The following ACSF3 variants were observed in gnomAD, a reference collection of about 807,000 sequenced individuals.
ACSF3 encodes the protein malonate--CoA ligase ACSF3, mitochondrial.
A neutral mutation model predicts 53.2 loss-of-function variants in ACSF3; 78 were observed. The ratio of observed to expected loss-of-function variants is 1.47; its 90% CI spans 1.22 to 1.77. ACSF3 has a LOEUF of 1.77. Among genes scored for constraint, ACSF3 ranks in the 40% most tolerant of loss-of-function variants. The pLI is 0.00. For synonymous variants in ACSF3, 414 were observed against 333.1 expected, an observed-to-expected ratio of 1.24 and a Z score of -2.65; for missense variants, 937 against 771.1, an observed-to-expected ratio of 1.22 and a Z score of -2.55.
intron 8 of ACSF3, among the ~76,000 whole-genome samples, chr16:89,143,043 G>T (rs1454510124): frequency 6.6e-6 from 1 of 152,222 alleles, no homozygotes; most frequent in Non-Finnish European, 1.5e-5. Context: ...TGGAGATGGG[G>T]AAGAAAATTG....
intron 8 of ACSF3, chr16:89,136,560 C>A (rs747950104): frequency 3.1e-6 from 4 of 1,275,124 alleles, no homozygotes; most frequent in Middle Eastern, 6.6e-4. Flanking sequence ...CCCCTCCTGC[C>A]ACACGGATTC....
chr16:89,141,534 C>G (rs1303631336), intron 8 of ACSF3, among the ~76,000 whole-genome samples: 8 of 152,180 alleles, frequency 5.3e-5, no homozygotes, highest in Non-Finnish European at 8.8e-5. Flanking sequence ...CCCTGGAGGG[C>G]CCCGGCCTAG....
chr16:89,128,747 A>G (rs111672080), intron 7 of ACSF3, among the ~76,000 whole-genome samples: 2 of 152,268 alleles, frequency 1.3e-5, no homozygotes, highest in African/African-American at 4.8e-5. Flanking sequence ...CGCACTTGGT[A>G]TATTTCAATT....
chr16:89,114,660 C>A, intron 6 of ACSF3, 173 bp downstream of exon 6: 1 of 912,176 alleles, frequency 1.1e-6, no homozygotes, highest in Non-Finnish European at 1.7e-6. Flanking sequence ...CCTGTCCCCT[C>A]TGGGTAGATC....
intron 10 of ACSF3, among the ~76,000 whole-genome samples, chr16:89,146,712 C>G (rs749683880): frequency 6.6e-6 from 1 of 152,194 alleles, no homozygotes; most frequent in East Asian, 1.9e-4. Flanking sequence ...TTAAACTCAC[C>G]TGCATTTTTT....
chr16:89,098,243 G>T (rs749419511), intron 1 of ACSF3, among the ~76,000 whole-genome samples: 1 of 152,194 alleles, frequency 6.6e-6, no homozygotes, highest in Non-Finnish European at 1.5e-5. Context: ...GTGTTGTGAC[G>T]GTTTCAAACT....
intron 8 of ACSF3, among the ~76,000 whole-genome samples, chr16:89,139,744 A>G (rs1393774531): frequency 1.3e-5 from 2 of 151,476 alleles, no homozygotes; most frequent in Non-Finnish European, 2.9e-5. Flanking sequence ...ACAGGCGCCC[A>G]CCACCACACC....
chr16:89,114,163 C>T (rs1904608132), intron 5 of ACSF3, 176 bp from the exon 6 acceptor site: 11 of 777,034 alleles, frequency 1.4e-5, no homozygotes, highest in African/African-American at 1.4e-4. Context: ...CAGACTGCAG[C>T]GTTGGTCCCG....
In ACSF3 at chr16:89,146,979, TG is replaced by T. The variant is rs1332842834; in HGVS notation, c.1613+931del. Among the ~76,000 whole-genome samples the T allele has an allele frequency of 4.6e-5, 7 of 152,244 alleles. No individual in the cohort carries two copies. In the South Asian group the frequency reaches 1.0e-3, roughly 23 times the overall value. On this transcript the variant is annotated intron_variant, in intron 10 of 10. Transcript: ENST00000614302. ...TAGTTTCACCTACAGTAATTTCTTTTGTTTTTTTAATTTATAAAGAAACGGG... is the reference window on the plus strand; with the variant it reads ...TAGTTTCACCTACAGTAATTTCTTTTTTTTTTTAATTTATAAAGAAACGGG...
intron 6 of ACSF3, among the ~76,000 whole-genome samples, chr16:89,120,134 A>C (rs1038971849): frequency 7.2e-5 from 11 of 152,232 alleles, no homozygotes; most frequent in African/African-American, 2.7e-4. Flanking sequence ...TGCCGGCGGG[A>C]CACGTCTCGC....
intron 10 of ACSF3, among the ~76,000 whole-genome samples, chr16:89,147,238 G>A (rs543381978): frequency 6.2e-4 from 61 of 98,312 alleles, no homozygotes; most frequent in African/African-American, 7.1e-4. Context: ...AGTGAGTGAG[G>A]GAGGAGGGAG....
Position 89,112,155 on chromosome 16 carries a change from A to G in ACSF3, c.886A>G (p.Ile296Val), listed in dbSNP as rs540601698. The change falls in exon 5 of 11, where the codon ATA becomes GTA. Residue 296 changes from isoleucine to valine, a missense_variant. Coordinates refer to ENST00000614302, the MANE Select transcript of ACSF3 (RefSeq NM_001243279.3). ...CAATGTCTTTATGGCAGTGCCTACA[A>G]TATACACCAAGCTGATGGAGTACTA... Reference protein sequence around the residue: ...RINVFMAVPTIYTKLMEYYDR... With the variant: ...RINVFMAVPTVYTKLMEYYDR... 6 of 1,614,270 alleles carry G rather than the reference A, an allele frequency of 3.7e-6. No homozygotes were observed. Among genetic ancestry groups the G allele is most frequent in the Admixed American group, 3.3e-5 (2 of 60,034 alleles).
intron 8 of ACSF3, among the ~76,000 whole-genome samples, chr16:89,141,687 C>T (rs905384661): frequency 6.6e-6 from 1 of 152,208 alleles, no homozygotes; most frequent in Non-Finnish European, 1.5e-5. Context: ...GAAGGAGCTC[C>T]AGGCAGCAGT....
At chr16:89,115,607 G>A (rs1331286298) in intron 6 of ACSF3, among the ~76,000 whole-genome samples, 1 of 152,274 alleles carries the variant, frequency 6.6e-6, no homozygotes, top group African/African-American at 2.4e-5. Context: ...GTTTCTGTGC[G>A]AACGTGGTTT....
intron 1 of ACSF3, among the ~76,000 whole-genome samples, chr16:89,098,183 C>G (rs965028046): frequency 2.0e-5 from 3 of 152,230 alleles, no homozygotes; most frequent in African/African-American, 7.2e-5. Context: ...CATACTTTGG[C>G]TCTGACAATT....
rs1338859307 is a variant in ACSF3, at chr16:89,100,695, TG to T, written c.16del (p.Val6CysfsTer112). ...CCTGTCAGTGCAATGCTGCCCCATG[TG>T]GTGCTCACCTTCCGGCGCCTGGGCT... MLPH[V>X]VLTFRRLGCA... On this transcript the variant is annotated frameshift_variant, in exon 3 of 11. Coordinates refer to ENST00000614302, the MANE Select transcript of ACSF3 (RefSeq NM_001243279.3). LOFTEE classifies it high-confidence loss of function. 1.3e-6 allele frequency: 2 copies of T among 1,542,134 alleles called. No homozygotes were observed. Among genetic ancestry groups the T allele is most frequent in the African/African-American group, 3.2e-5 (2 of 61,590 alleles).
chr16:89,110,857 G>A lies in ACSF3; in HGVS notation c.823-1235G>A, dbSNP rs117159183. Among the ~76,000 whole-genome samples the A allele has an allele frequency of 1.5e-4, 23 of 152,196 alleles. No individual in the cohort carries two copies. The East Asian group carries it at 4.2e-3, about 28-fold the overall frequency. ...ATGGCAGTGTTGTGGGTGCTGCTCCGCGGTGCTGCTGTCTCCCGCACTCTG... is the reference window on the plus strand; with the variant it reads ...ATGGCAGTGTTGTGGGTGCTGCTCCACGGTGCTGCTGTCTCCCGCACTCTG... On this transcript the variant is annotated intron_variant, in intron 4 of 10. Transcript: ENST00000614302.
In ACSF3 at chr16:89,100,933, G is replaced by C; in HGVS notation, c.252G>C (p.Arg84Ser). 6.2e-7 allele frequency: 1 copy of C among 1,613,850 alleles called. No homozygotes were observed. Among genetic ancestry groups the C allele is most frequent in the Non-Finnish European group, 8.5e-7 (1 of 1,180,038 alleles). The change falls in exon 3 of 11, where the codon AGG becomes AGC. Residue 84 changes from arginine (R) to serine (S), a missense_variant. Transcript: ENST00000614302. The part of the protein sequence containing the change: ...RSLRLSQEIC[R>S]LCGCVGGDLR... ...TTCGCCTGTCCCAGGAGATCTGCAG[G>C]CTCTGCGGGTGTGTCGGCGGGGACC...
chr16:89,111,834 T>A (rs1417784808), intron 4 of ACSF3, among the ~76,000 whole-genome samples: 1 of 152,160 alleles, frequency 6.6e-6, no homozygotes, highest in Non-Finnish European at 1.5e-5. Flanking sequence ...ACCACTCACG[T>A]CTCTCCAGGC....
Sources: allele counts gnomAD v4.1 joint callset (sites outside exome capture counted in the v4.1 genomes callset), GRCh38; gene constraint gnomAD v4.1.1; transcripts MANE v1.5; gene names NCBI Gene and HGNC (gene_info 2026-07-23, HGNC 2026-07-21).